The following ARMC2 variants were observed in gnomAD, a reference collection of about 807,000 sequenced individuals.
ARMC2 encodes the protein armadillo repeat containing 2, also known as armadillo repeat-containing protein 2.
ARMC2 carries 67 observed loss-of-function variants against 90.3 expected under a neutral mutation model. The ratio of observed to expected loss-of-function variants is 0.74; its 90% CI spans 0.61 to 0.91. The LOEUF (loss-of-function observed/expected upper bound fraction) is 0.91. ARMC2 is among the 40% of genes least tolerant of loss of function. ARMC2 has a pLI of 0.00. For missense variants in ARMC2, 920 were observed against 1,030.9 expected (o/e 0.89, Z 1.47); for synonymous variants, 393 against 393.0 (o/e 1.00, Z 0.00).
chr6:109,017,261 T>A, the ARMC2 span, among the ~76,000 whole-genome samples: 1 of 152,172 alleles, frequency 6.6e-6, no homozygotes, highest in African/African-American at 2.4e-5. Flanking sequence ...AATCATTCAT[T>A]ATTTGTAAAT....
chr6:108,954,923 C>T lies in ARMC2; in HGVS notation c.1915+1572C>T, dbSNP rs192829248. On this transcript the variant is annotated intron_variant, in intron 13 of 17. Coordinates refer to ENST00000392644, the MANE Select transcript of ARMC2 (RefSeq NM_032131.6). ...GTTCTGGAAACTGGAAGTCTGAGAC[C>T]GAGATGCCGGCAGGGTCAGGGTCTG... 5.6e-4 allele frequency among the ~76,000 whole-genome samples: 85 copies of T among 152,278 alleles called. 1 individual carries two copies. The East Asian group carries it at 0.014, about 26-fold the overall frequency.
chr6:109,009,485 G>A, the ARMC2 span: 3 of 1,237,856 alleles, frequency 2.4e-6, no homozygotes, highest in African/African-American at 1.6e-5. Flanking sequence ...GGCTGCGGAC[G>A]CGCGGAGGCG....
At chr6:108,916,844 T>A (rs1220027609) in intron 10 of ARMC2, among the ~76,000 whole-genome samples, 8 of 152,178 alleles carry the variant, frequency 5.3e-5, no homozygotes, top group Admixed American at 5.2e-4. Flanking sequence ...TTGGTCTCTG[T>A]TGTGCCCTTT....
At chr6:109,027,259 G>A in the ARMC2 span, among the ~76,000 whole-genome samples, 1 of 152,004 alleles carries the variant, frequency 6.6e-6, no homozygotes, top group African/African-American at 2.4e-5. Context: ...GATTGCCTGA[G>A]GTCAGGAGTT....
At chr6:109,034,886 C>T in the ARMC2 span, among the ~76,000 whole-genome samples, 26 of 152,220 alleles carry the variant, frequency 1.7e-4, no homozygotes, top group South Asian at 5.4e-3. Context: ...TCCTGCATTG[C>T]CTTTATTTAC....
chr6:108,896,863 G>A (rs973225946), intron 6 of ARMC2, among the ~76,000 whole-genome samples: 1 of 152,166 alleles, frequency 6.6e-6, no homozygotes, highest in African/African-American at 2.4e-5. Flanking sequence ...CTGGTTTCTA[G>A]TAAATTTAAG....
chr6:108,999,736 G>T, the ARMC2 span, among the ~76,000 whole-genome samples: 1 of 152,048 alleles, frequency 6.6e-6, no homozygotes, highest in South Asian at 2.1e-4. Flanking sequence ...GGTAAACGTA[G>T]GCTTACCGTA....
In ARMC2 at chr6:108,923,634, T is replaced by TC. The variant is rs1554253257; in HGVS notation, c.1351-4452dup. Among the ~76,000 whole-genome samples, 589 of 144,646 alleles carry TC rather than the reference T, an allele frequency of 4.1e-3. 4 individuals carry two copies. Among genetic ancestry groups the TC allele is most frequent in the African/African-American group, 0.014 (553 of 40,450 alleles). The allele number at this position is 144,646 out of a possible 152,430, so 94.9% of individuals were successfully genotyped here. ...CCCCACACCCTTTTTTTTTTTTTTT[T>TC]CCTGCATTTTTTCCAGAAAAGGCCA... On this transcript the variant is annotated intron_variant, in intron 10 of 17. Transcript: ENST00000392644.
In ARMC2 at chr6:108,932,592, G is replaced by A. The variant is rs568393879; in HGVS notation, c.1497-4308G>A. On this transcript the variant is annotated intron_variant, in intron 11 of 17. Coordinates refer to ENST00000392644, the MANE Select transcript of ARMC2 (RefSeq NM_032131.6). ...CGCCCAGGCTGGAGGGCAGTGGCGC[G>A]GTCTCGGCTCACTGCAAGCTCTGCC... Among the ~76,000 whole-genome samples, 111 of 135,296 alleles carry A rather than the reference G, an allele frequency of 8.2e-4. 1 individual carries two copies. The highest frequency in any genetic ancestry group is 8.7e-4 in the Admixed American group (10 of 11,436). 88.8% of individuals were successfully genotyped at this position (135,296 alleles called of 152,430 possible).
At chr6:108,866,188 A>G (rs750960580) in intron 3 of ARMC2, among the ~76,000 whole-genome samples, 10 of 152,194 alleles carry the variant, frequency 6.6e-5, no homozygotes, top group Admixed American at 1.3e-4. Flanking sequence ...CCACACGTCT[A>G]TCTTCAAAAT....
the ARMC2 span, chr6:108,990,537 G>A: frequency 1.1e-6 from 1 of 943,684 alleles, no homozygotes; most frequent in East Asian, 2.4e-5. Flanking sequence ...TATTGGGGAG[G>A]GGATGGGTTT....
chr6:108,880,746 T>A (rs74363195), intron 5 of ARMC2, among the ~76,000 whole-genome samples: 4,760 of 138,488 alleles, frequency 0.034, 190 homozygotes, highest in East Asian at 0.21. Context: ...CTCTTCTCCT[T>A]CCTTCCTTCC....
rs530423072 is a variant in ARMC2 at position 108,953,321 on chromosome 6, G to A, written c.1885G>A (p.Gly629Arg). 1 of 1,608,022 alleles carries A rather than the reference G, an allele frequency of 6.2e-7. No individual in the cohort carries two copies. Among genetic ancestry groups the A allele is most frequent in the Non-Finnish European group, 8.5e-7 (1 of 1,178,994 alleles). ...GVGPVLAANPGIVGLLLTTLE... is the reference protein window; with the variant it reads ...GVGPVLAANPRIVGLLLTTLE... ...GGGCCCGGTGCTGGCCGCCAACCCG[G>A]GGATAGTGGGCCTGCTCCTGACCAC... is the stretch of plus-strand genomic sequence containing the variant. Residue 629 changes from glycine to arginine, a missense_variant, in exon 13 of 18, where the codon GGG becomes AGG. Coordinates refer to ENST00000392644, the MANE Select transcript of ARMC2 (RefSeq NM_032131.6).
chr6:109,018,754 G>C, the ARMC2 span, among the ~76,000 whole-genome samples: 1 of 152,110 alleles, frequency 6.6e-6, no homozygotes, highest in African/African-American at 2.4e-5. Flanking sequence ...AGAATGCAAG[G>C]TGAACTATTT....
At chr6:108,887,372 A>T (rs1770473468) in intron 5 of ARMC2, among the ~76,000 whole-genome samples, 1 of 152,206 alleles carries the variant, frequency 6.6e-6, no homozygotes, top group Admixed American at 6.5e-5. Context: ...CTGGCTGTTC[A>T]GAGTGAAATG....
intron 12 of ARMC2, among the ~76,000 whole-genome samples, chr6:108,945,295 G>GT (rs1776727536): frequency 6.6e-6 from 1 of 152,054 alleles, no homozygotes; most frequent in African/African-American, 2.4e-5. Flanking sequence ...ATTTGGGTTT[G>GT]TTTTTTGGAA....
intron 2 of ARMC2, among the ~76,000 whole-genome samples, chr6:108,857,419 C>A (rs1774751213): frequency 6.6e-6 from 1 of 152,182 alleles, no homozygotes; most frequent in Admixed American, 6.5e-5. Context: ...TTTTTGTCAG[C>A]TCTTTAGGAT....
At chr6:108,910,287 C>CA (rs968970192) in intron 8 of ARMC2, among the ~76,000 whole-genome samples, 14 of 151,822 alleles carry the variant, frequency 9.2e-5, no homozygotes, top group African/African-American at 2.9e-4. Flanking sequence ...AACATCTCTA[C>CA]AAAAAAAATG....
At position 108,911,285 on chromosome 6, in the gene ARMC2, A is replaced by G. The variant is rs138348515; in HGVS notation, c.1126+284A>G. On this transcript the variant is annotated intron_variant, in intron 9 of 17. Coordinates refer to ENST00000392644, the MANE Select transcript of ARMC2 (RefSeq NM_032131.6). ...TTCATTTCCTGGACTTGGATTTAAT[A>G]TATAGAAAAATGCATTTAATAGTAT... Among the ~76,000 whole-genome samples the G allele has an allele frequency of 5.6e-3, 850 of 152,330 alleles. 9 individuals are homozygous for G. Among genetic ancestry groups the G allele is most frequent in the African/African-American group, 0.019 (806 of 41,578 alleles).
Sources: gnomAD v4.1 joint callset for allele counts (sites outside exome capture counted in the v4.1 genomes callset) on GRCh38, gnomAD v4.1.1 for gene constraint, MANE v1.5 for transcripts, NCBI Gene and HGNC (gene_info 2026-07-23, HGNC 2026-07-21) for gene names.